Variants in OOSP4A observed in about 807,000 individuals in gnomAD.
OOSP4A encodes the protein oocyte-secreted protein 4A.
At chr11:59,965,755 C>T in intron 2 of OOSP4A, 42 bp downstream of exon 2, 1 of 398,114 alleles carries the variant, frequency 2.5e-6, no homozygotes, top group Non-Finnish European at 4.4e-6. Flanking sequence ...TATCTTTTGA[C>T]TGTTTTGGGT....
chr11:59,967,312 G>C, intron 3 of OOSP4A, 148 bp downstream of exon 3: 1 of 392,138 alleles, frequency 2.6e-6, no homozygotes, highest in Non-Finnish European at 4.5e-6. Context: ...ATGTGAGTAG[G>C]TCTAAATAAA....
At chr11:59,965,998 T>A (rs1375362975) in intron 2 of OOSP4A, among the ~76,000 whole-genome samples, 1 of 152,162 alleles carries the variant, frequency 6.6e-6, no homozygotes, top group Non-Finnish European at 1.5e-5. Context: ...TGTTGTTTTT[T>A]AAAATATTCT....
rs1002125771 is a variant in OOSP4A at position 59,968,856 on chromosome 11, G to C, written c.345-294G>C. On this transcript the variant is annotated intron_variant, in intron 3 of 4. Coordinates refer to ENST00000645590, the Ensembl canonical transcript of OOSP4A. ...TCTGTTGAGATGATTAGAGATAAGA[G>C]CTGCTTCAGCCACTTATTAAGAGTT... Among the ~76,000 whole-genome samples, 4 of 152,184 alleles carry C rather than the reference G, an allele frequency of 2.6e-5. No individual in the cohort carries two copies. In the South Asian group the frequency reaches 8.3e-4, roughly 31 times the overall value.
intron 3 of OOSP4A, among the ~76,000 whole-genome samples, chr11:59,968,653 C>A (rs1854126600): frequency 6.6e-6 from 1 of 152,196 alleles, no homozygotes; most frequent in South Asian, 2.1e-4. Context: ...ACTGCACAGG[C>A]AGATAGTTGG....
intron 1 of OOSP4A, among the ~76,000 whole-genome samples, chr11:59,964,774 C>T (rs1854080526): frequency 6.6e-6 from 1 of 152,110 alleles, no homozygotes. Context: ...CTTAGTGTCA[C>T]ATACTAATTA....
chr11:59,967,046 T>G, intron 2 of OOSP4A, 21 bp from the exon 3 acceptor site: 1 of 397,878 alleles, frequency 2.5e-6, no homozygotes, highest in East Asian at 3.6e-5. Context: ...TTAAGATAAT[T>G]TATATCCTTT....
rs187815722 is a variant in OOSP4A, at chr11:59,965,024, T to A, written c.68-511T>A. On this transcript the variant is annotated intron_variant, in intron 1 of 4. Transcript: ENST00000645590. ...TATTTGACTTATTTAGCTTAGAAAT[T>A]CTCAACTATCGCAAGGACAAAAATC... Among the ~76,000 whole-genome samples, 554 of 151,782 alleles carry A rather than the reference T, an allele frequency of 3.6e-3. 3 individuals carry two copies. The highest frequency in any genetic ancestry group is 0.012 in the African/African-American group (506 of 41,370).
chr11:59,969,882 A>G (rs1854137782), intron 4 of OOSP4A, among the ~76,000 whole-genome samples, 167 bp from the exon 5 acceptor site: 1 of 152,182 alleles, frequency 6.6e-6, no homozygotes, highest in South Asian at 2.1e-4. Flanking sequence ...ATACATGTGT[A>G]TATATCGTAT....
intron 2 of OOSP4A, 40 bp downstream of exon 2, chr11:59,965,753 G>A (rs1368795572): frequency 2.5e-6 from 1 of 398,022 alleles, no homozygotes; most frequent in Non-Finnish European, 4.4e-6. Flanking sequence ...TATATCTTTT[G>A]ACTGTTTTGG....
chr11:59,969,269 C>T (rs368315459), exon 4 of OOSP4A: 2 of 398,534 alleles, frequency 5.0e-6, no homozygotes, highest in African/African-American at 4.1e-5. Context: ...GAAATCCGTC[C>T]AAGAGTGTCC....
intron 3 of OOSP4A, among the ~76,000 whole-genome samples, chr11:59,967,520 A>C: frequency 6.6e-6 from 1 of 152,038 alleles, no homozygotes; most frequent in East Asian, 1.9e-4. Context: ...TTTTGTGCAA[A>C]CCATACCACC....
chr11:59,968,677 G>A (rs1481797532), intron 3 of OOSP4A, among the ~76,000 whole-genome samples: 3 of 152,196 alleles, frequency 2.0e-5, no homozygotes, highest in Non-Finnish European at 4.4e-5. Flanking sequence ...TAAAATGTCA[G>A]CCTCTTGCTG....
chr11:59,966,472 C>T (rs1854100056), intron 2 of OOSP4A, among the ~76,000 whole-genome samples: 2 of 151,098 alleles, frequency 1.3e-5, no homozygotes, highest in South Asian at 4.2e-4. Context: ...CAGACTCTGA[C>T]TCTTTTTTTT....
intron 2 of OOSP4A, 86 bp downstream of exon 2, chr11:59,965,799 AT>A: frequency 2.5e-6 from 1 of 397,144 alleles, no homozygotes. Flanking sequence ...CAGTATTCAC[AT>A]TTTAATTGTC....
intron 3 of OOSP4A, among the ~76,000 whole-genome samples, chr11:59,968,730 T>C (rs1156296482): frequency 3.9e-5 from 6 of 152,224 alleles, no homozygotes; most frequent in Non-Finnish European, 8.8e-5. Context: ...ACACCTTTAT[T>C]TGGCTTCATT....
At chr11:59,966,772 C>T (rs994793868) in intron 2 of OOSP4A, among the ~76,000 whole-genome samples, 1 of 152,102 alleles carries the variant, frequency 6.6e-6, no homozygotes, top group East Asian at 1.9e-4. Flanking sequence ...ACGTGCCTGG[C>T]CCAGACCTTG....
At chr11:59,967,429 T>C (rs945171546) in intron 3 of OOSP4A, among the ~76,000 whole-genome samples, 4 of 152,166 alleles carry the variant, frequency 2.6e-5, no homozygotes, top group Non-Finnish European at 4.4e-5. Flanking sequence ...TTTTTGTTAG[T>C]AATCTTTCCT....
At chr11:59,966,916 T>C (rs1401370227) in intron 2 of OOSP4A, among the ~76,000 whole-genome samples, 151 bp from the exon 3 acceptor site, 2 of 152,202 alleles carry the variant, frequency 1.3e-5, no homozygotes, top group African/African-American at 4.8e-5. Context: ...TCTGCTCTTC[T>C]ATTGTAGACC....
chr11:59,969,763 C>T (rs939360900), intron 4 of OOSP4A, among the ~76,000 whole-genome samples: 5 of 152,090 alleles, frequency 3.3e-5, no homozygotes, highest in African/African-American at 9.7e-5. Context: ...ACGTATCAAC[C>T]GACCCTCATA....
Sources: allele counts gnomAD v4.1 joint callset (sites outside exome capture counted in the v4.1 genomes callset), GRCh38; gene constraint gnomAD v4.1.1; transcripts MANE v1.5; gene names NCBI Gene and HGNC (gene_info 2026-07-23, HGNC 2026-07-21).